Variants in MYT1 observed in about 807,000 individuals in gnomAD.
MYT1 encodes the protein myelin transcription factor I.
Under a neutral mutation model 123.0 loss-of-function variants are expected in MYT1, and 23 were observed. The observed-to-expected ratio is 0.19, with a 90% confidence interval of 0.13 to 0.26. The LOEUF is 0.26. MYT1 is among the 10% of genes least tolerant of loss of function. MYT1 has a pLI of 1.00. For missense variants in MYT1, 1,125 were observed against 1,472.5 expected (o/e 0.76, Z 3.86); for synonymous variants, 518 against 575.3 (o/e 0.90, Z 1.43).
chr20:64,187,381 G>C (rs556771358), intron 1 of MYT1, among the ~76,000 whole-genome samples: 1 of 148,046 alleles, frequency 6.8e-6, no homozygotes, highest in African/African-American at 2.5e-5. Flanking sequence ...TCCGTGGAGA[G>C]TTTTCCTGTG....
At chr20:64,198,286 CAAAAAAAAAAAA>C (rs34822167) in intron 2 of MYT1, among the ~76,000 whole-genome samples, 1,120 of 23,838 alleles carry the variant, frequency 0.047, 36 homozygotes, top group African/African-American at 0.12. Flanking sequence ...GACTCCGTCT[CAAAAAAAAAAAA>C]AAAAAAAAAA....
In MYT1 at chr20:64,213,504, C is replaced by A. The variant is rs989214387; in HGVS notation, c.1518-30C>A. On this transcript the variant is annotated intron_variant, in intron 9 of 22. Transcript: ENST00000328439. This position sits in a 1 kb window ranked among gnomAD's most constrained non-coding sequence, Gnocchi z 5.6. ...GACAGGACAGGCATGGAGGGGAAGG[C>A]TCAGAAACCCCTCCTCTTCCTTCCT... is the stretch of plus-strand genomic sequence containing the variant. 12 of 1,569,772 alleles carry A rather than the reference C, an allele frequency of 7.6e-6. No individual in the cohort carries two copies. Among genetic ancestry groups the A allele is most frequent in the Admixed American group, 5.0e-5 (3 of 59,852 alleles).
chr20:64,180,046 T>C (rs1416054178), intron 1 of MYT1, among the ~76,000 whole-genome samples: 2 of 138,466 alleles, frequency 1.4e-5, no homozygotes, highest in Non-Finnish European at 1.6e-5. Context: ...TGCCACACAG[T>C]CACACACAGT....
chr20:64,230,027 A>T (rs1444637003), intron 18 of MYT1, among the ~76,000 whole-genome samples: 1 of 152,178 alleles, frequency 6.6e-6, no homozygotes, highest in African/African-American at 2.4e-5. Flanking sequence ...TCACCAGCTC[A>T]GTGCCTGCCC....
intron 19 of MYT1, among the ~76,000 whole-genome samples, chr20:64,235,019 G>GAGCT: frequency 6.7e-6 from 1 of 148,966 alleles, no homozygotes; most frequent in Admixed American, 6.6e-5. Flanking sequence ...GGGTGACCCT[G>GAGCT]GGATGGTCAT....
chr20:64,225,777 A>G (rs561489325), intron 16 of MYT1, among the ~76,000 whole-genome samples: 1 of 152,212 alleles, frequency 6.6e-6, no homozygotes, highest in African/African-American at 2.4e-5. Flanking sequence ...TCCTCTGACT[A>G]TGTGAGTACT....
Position 64,219,920 on chromosome 20 carries a change from G to C in MYT1, c.2179G>C (p.Glu727Gln), listed in dbSNP as rs371317285. Residue 727 changes from glutamate (E) to glutamine (Q), a missense_variant, in exon 13 of 23, where the codon GAG becomes CAG. Physicochemically the swap from Glu to Gln is conservative, Grantham distance 29. Around this residue, in one of 4 missense-constraint regions of MYT1, gnomAD observed 429 missense variants for 604.1 expected, o/e 0.71. Coordinates refer to ENST00000328439, the MANE Select transcript of MYT1 (RefSeq NM_004535.3). ...PQSSQASRQD[E>Q]WDRPLDYTKP... ...GTCCAGCCAGGCCTCCCGCCAGGAC[G>C]AGTGGGACCGGCCCCTGGACTACAC... 8.3e-5 allele frequency: 129 copies of C among 1,559,314 alleles called. No individual in the cohort carries two copies. Among genetic ancestry groups the C allele is most frequent in the Non-Finnish European group, 1.1e-4 (126 of 1,151,648 alleles).
chr20:64,209,302 T>C (rs750797), intron 7 of MYT1, among the ~76,000 whole-genome samples: 95,621 of 152,088 alleles, frequency 0.63, 32,190 homozygotes, highest in African/African-American at 0.85. Context: ...GGGACAGGGG[T>C]CTGGGGAGCA....
chr20:64,212,332 C>G lies in MYT1; in HGVS notation c.1517+194C>G, dbSNP rs6122273. On this transcript the variant is annotated intron_variant, in intron 9 of 22. Transcript: ENST00000328439. This position sits in a 1 kb window ranked among gnomAD's most constrained non-coding sequence, Gnocchi z 6.8. ...CCTGCCTGGGCCGTGAGCCCGTGAC[C>G]TGGGACGGGGCTCTGGCCTGCCTGG... 6.6e-6 allele frequency among the ~76,000 whole-genome samples: 1 copy of G among 152,248 alleles called. No homozygotes were observed. Among genetic ancestry groups the G allele is most frequent in the Admixed American group, 6.5e-5 (1 of 15,304 alleles).
rs981808464 is a variant in MYT1, at chr20:64,213,476, C to T, written c.1518-58C>T. The T allele has an allele frequency of 1.6e-5, 23 of 1,396,002 alleles. No homozygotes were observed. The highest frequency in any genetic ancestry group is 2.3e-5 in the Non-Finnish European group (23 of 987,416). The allele number at this position is 1,396,002 out of a possible 1,614,324, so 86.5% of individuals were successfully genotyped here. A position where few individuals can be genotyped will look rare whatever the true frequency, so the allele number is the denominator to read the frequency against. ...TGAGACACCCACACACACAGACACCCAGGACAGGACAGGCATGGAGGGGAA... is the reference window on the plus strand; with the variant it reads ...TGAGACACCCACACACACAGACACCTAGGACAGGACAGGCATGGAGGGGAA... On this transcript the variant is annotated intron_variant, in intron 9 of 22. Transcript: ENST00000328439. This position sits in a 1 kb window ranked among gnomAD's most constrained non-coding sequence, Gnocchi z 5.6.
rs1227129246 is a variant in MYT1, at chr20:64,205,740, G to A, written c.337G>A (p.Glu113Lys). ...SVSDESEGTL[E>K]GAEAETSGQD... ...TTCGGATGAATCGGAAGGAACTCTG[G>A]AGGGGGCCGAGGCTGAGACGTCAGG... is the stretch of plus-strand genomic sequence containing the variant. Residue 113 changes from glutamate (E) to lysine (K), a missense_variant, in exon 6 of 23, where the codon GAG becomes AAG. Glu to Lys is a moderately conservative substitution (Grantham distance 56). Transcript: ENST00000328439. 4 of 1,614,076 alleles carry A rather than the reference G, an allele frequency of 2.5e-6. No individual in the cohort carries two copies. Among genetic ancestry groups the A allele is most frequent in the South Asian group, 1.1e-5 (1 of 91,084 alleles).
chr20:64,238,376 C>T (rs1424928077), intron 21 of MYT1, among the ~76,000 whole-genome samples: 1 of 152,148 alleles, frequency 6.6e-6, no homozygotes, highest in East Asian at 1.9e-4. Flanking sequence ...TTACTCTGCT[C>T]TTGTCTCTAC....
Position 64,205,767 on chromosome 20 carries a change from C to A in MYT1, c.364C>A (p.Gln122Lys), listed in dbSNP as rs751052749. 1 of 1,614,128 alleles carries A rather than the reference C, an allele frequency of 6.2e-7. No individual in the cohort carries two copies. Among genetic ancestry groups the A allele is most frequent in the South Asian group, 1.1e-5 (1 of 91,084 alleles). The change falls in exon 6 of 23, where the codon CAG becomes AAG. Residue 122 changes from glutamine (Q) to lysine (K), a missense_variant. Coordinates refer to ENST00000328439, the MANE Select transcript of MYT1 (RefSeq NM_004535.3). ...LEGAEAETSG[Q>K]DEIHRPETAE... ...GGGGGCCGAGGCTGAGACGTCAGGACAGGACGAGATTCATCGCCCCGAGAC... is the reference window on the plus strand; with the variant it reads ...GGGGGCCGAGGCTGAGACGTCAGGAAAGGACGAGATTCATCGCCCCGAGAC...
chr20:64,214,722 T>C (rs1003869140), intron 10 of MYT1, among the ~76,000 whole-genome samples: 3 of 152,222 alleles, frequency 2.0e-5, no homozygotes, highest in African/African-American at 7.2e-5. Flanking sequence ...CTGTTCCATA[T>C]CTGTCTCACC....
At chr20:64,180,603 G>A (rs1982625885) in intron 1 of MYT1, among the ~76,000 whole-genome samples, 1 of 152,208 alleles carries the variant, frequency 6.6e-6, no homozygotes, top group African/African-American at 2.4e-5. Flanking sequence ...TGGTGCTGGG[G>A]AGCCTCACTG....
chr20:64,222,164 T>C, intron 14 of MYT1, 117 bp downstream of exon 14: 1 of 1,166,154 alleles, frequency 8.6e-7, no homozygotes, highest in Non-Finnish European at 1.2e-6. Context: ...CGACCTGTCC[T>C]GACCACCTCG....
At position 64,218,004 on chromosome 20, in the gene MYT1, C is replaced by G. The variant is rs151066523; in HGVS notation, c.1846+723C>G. Among the ~76,000 whole-genome samples, 169 of 152,308 alleles carry G rather than the reference C, an allele frequency of 1.1e-3. 1 individual carries two copies. Among genetic ancestry groups the G allele is most frequent in the Middle Eastern group, 0.01 (3 of 294 alleles). The stretch of plus-strand genomic sequence containing the variant: ...GTACACATGAGATTGGGAGTGGCAT[C>G]GCGGGGCAGATGTTGTCAGCCCCAA... On this transcript the variant is annotated intron_variant, in intron 11 of 22. Coordinates refer to ENST00000328439, the MANE Select transcript of MYT1 (RefSeq NM_004535.3). The surrounding 1 kb of genome is among the most constrained non-coding windows in gnomAD (Gnocchi z 4.0).
chr20:64,176,947 G>A (rs973966239), intron 1 of MYT1, among the ~76,000 whole-genome samples: 15 of 152,340 alleles, frequency 9.8e-5, no homozygotes, highest in Non-Finnish European at 1.5e-4. Context: ...TTTTTACAGC[G>A]TTGGTAAGGT....
At chr20:64,170,887 A>AAT (rs1982249330) in intron 1 of MYT1, among the ~76,000 whole-genome samples, 4 of 31,442 alleles carry the variant, frequency 1.3e-4, no homozygotes, top group African/African-American at 6.0e-4. Flanking sequence ...ATATATATAG[A>AAT]GAGAGAGAGA....
Sources: gnomAD v4.1 joint callset for allele counts (sites outside exome capture counted in the v4.1 genomes callset) on GRCh38, gnomAD v4.1.1 for gene constraint, gnomAD v4.1.1 regional missense constraint, Gnocchi (gnomAD v3.1) non-coding constraint, MANE v1.5 for transcripts, NCBI Gene and HGNC (gene_info 2026-07-23, HGNC 2026-07-21) for gene names.